ANKRD33B: variants seen among roughly 807,000 people sequenced by gnomAD.
The protein encoded by ANKRD33B is ankyrin repeat domain 33B.
In ANKRD33B, 6 loss-of-function variants were observed where a neutral mutation model predicts 21.5. The observed-to-expected ratio is 0.28, with a 90% CI of 0.15 to 0.55. The LOEUF is 0.55. ANKRD33B is among the 20% of genes least tolerant of loss of function. The pLI is 0.94. For missense variants in ANKRD33B, 698 were observed against 747.2 expected (o/e 0.93, Z 0.77); for synonymous variants, 347 against 342.4 (o/e 1.01, Z -0.15).
intron 3 of ANKRD33B, among the ~76,000 whole-genome samples, chr5:10,639,048 C>T (rs1305828539): frequency 1.1e-4 from 6 of 57,096 alleles, no homozygotes; most frequent in Non-Finnish European, 2.2e-4. Flanking sequence ...GCGGGTGACG[C>T]GGAGTTGCGC....
intron 3 of ANKRD33B, among the ~76,000 whole-genome samples, chr5:10,643,250 C>T (rs902124762): frequency 2.0e-5 from 3 of 152,074 alleles, no homozygotes; most frequent in Non-Finnish European, 2.9e-5. Context: ...CCAGATAATT[C>T]TTTGTTGTGG....
At chr5:10,583,576 A>G (rs909927386) in intron 1 of ANKRD33B, among the ~76,000 whole-genome samples, 2 of 152,190 alleles carry the variant, frequency 1.3e-5, no homozygotes, top group African/African-American at 4.8e-5. Context: ...GAATAGGGAT[A>G]GAGACTGAAG....
Position 10,595,649 on chromosome 5 carries a change from C to T in ANKRD33B, c.367-22684C>T, listed in dbSNP as rs150524795. ...TAACTGAAGGAGAGGGGTTCAGAATCCTCCAGTGGGGCCTGATGGGCAGAG... is the reference window on the plus strand; with the variant it reads ...TAACTGAAGGAGAGGGGTTCAGAATTCTCCAGTGGGGCCTGATGGGCAGAG... On this transcript the variant is annotated intron_variant, in intron 1 of 3. Transcript: ENST00000296657. 7.7e-3 allele frequency among the ~76,000 whole-genome samples: 1,177 copies of T among 152,302 alleles called. 16 individuals carry two copies. The highest frequency in any genetic ancestry group is 0.027 in the African/African-American group (1,128 of 41,560).
At chr5:10,642,247 T>C (rs1432863455) in intron 3 of ANKRD33B, among the ~76,000 whole-genome samples, 1 of 152,190 alleles carries the variant, frequency 6.6e-6, no homozygotes, top group African/African-American at 2.4e-5. Context: ...TGCACATCTC[T>C]TGGAACGATG....
intron 1 of ANKRD33B, among the ~76,000 whole-genome samples, chr5:10,571,235 T>C (rs1222555247): frequency 2.0e-5 from 3 of 152,200 alleles, no homozygotes; most frequent in African/African-American, 7.2e-5. Context: ...TGGATCTCGC[T>C]CTGTTGCCCA....
In ANKRD33B at chr5:10,653,694, C is replaced by G. The variant is rs1041536834; in HGVS notation, c.*3581C>G. The G allele has an allele frequency of 2.0e-5, 3 of 152,404 alleles. No homozygotes were observed. The highest frequency in any genetic ancestry group is 7.2e-5 in the African/African-American group (3 of 41,430). 9.4% of individuals were successfully genotyped at this position (152,404 alleles called of 1,614,324 possible). ...AGGCCCCTCGGTCTCAGGATGTGGACAGGGCTGGGAGGTGCAGGCTTCTTG... is the reference window on the plus strand; with the variant it reads ...AGGCCCCTCGGTCTCAGGATGTGGAGAGGGCTGGGAGGTGCAGGCTTCTTG... On this transcript the variant is annotated 3_prime_UTR_variant, in exon 4 of 4. Coordinates refer to ENST00000296657, the MANE Select transcript of ANKRD33B (RefSeq NM_001164440.2).
intron 1 of ANKRD33B, among the ~76,000 whole-genome samples, chr5:10,599,263 A>T (rs372898841): frequency 7.9e-5 from 12 of 152,230 alleles, no homozygotes; most frequent in African/African-American, 2.9e-4. Flanking sequence ...TCCATAGTTA[A>T]CAACTTTATT....
chr5:10,628,684 A>T (rs1261619415), intron 2 of ANKRD33B, among the ~76,000 whole-genome samples: 1 of 152,194 alleles, frequency 6.6e-6, no homozygotes, highest in Admixed American at 6.5e-5. Context: ...GAGTGGTAGG[A>T]ATGTTTCAGC....
intron 2 of ANKRD33B, among the ~76,000 whole-genome samples, chr5:10,620,551 T>C (rs1736398949): frequency 6.6e-6 from 1 of 152,200 alleles, no homozygotes; most frequent in South Asian, 2.1e-4. Flanking sequence ...ATTTCTTTTC[T>C]TACTGATCTG....
chr5:10,632,628 TC>T (rs897698111), intron 2 of ANKRD33B, among the ~76,000 whole-genome samples: 1 of 152,076 alleles, frequency 6.6e-6, no homozygotes, highest in African/African-American at 2.4e-5. Context: ...TCCTGAATGC[TC>T]CCGTGGCTTC....
intron 1 of ANKRD33B, among the ~76,000 whole-genome samples, chr5:10,567,944 ATGATCT>A (rs1257967009): frequency 6.6e-6 from 1 of 152,214 alleles, no homozygotes; most frequent in African/African-American, 2.4e-5. Context: ...CTAGGAGGAA[ATGATCT>A]CTAAAGGCGT....
At chr5:10,646,947 A>G (rs891473352) in intron 3 of ANKRD33B, among the ~76,000 whole-genome samples, 3 of 152,320 alleles carry the variant, frequency 2.0e-5, no homozygotes, top group South Asian at 2.1e-4. Context: ...GCACACGTTG[A>G]TCAGCCATCA....
At chr5:10,573,403 G>C (rs1364127238) in intron 1 of ANKRD33B, among the ~76,000 whole-genome samples, 1 of 151,278 alleles carries the variant, frequency 6.6e-6, no homozygotes. Flanking sequence ...CGGAGGCGGG[G>C]GTTGCAGTGA....
intron 1 of ANKRD33B, among the ~76,000 whole-genome samples, chr5:10,597,951 A>G (rs577834032): frequency 1.8e-4 from 27 of 152,144 alleles, no homozygotes; most frequent in Non-Finnish European, 3.8e-4. Flanking sequence ...GGACCTTGAC[A>G]TGTTTACCAG....
At chr5:10,615,796 A>G (rs1736270778) in intron 1 of ANKRD33B, among the ~76,000 whole-genome samples, 1 of 152,260 alleles carries the variant, frequency 6.6e-6, no homozygotes, top group Admixed American at 6.5e-5. Flanking sequence ...CTCCATCCAA[A>G]GAAGTTAAAA....
chr5:10,619,580 A>G lies in ANKRD33B; in HGVS notation c.496+1118A>G, dbSNP rs980359275. ...CTGGGCACCCTACTTTTCAATCAAGACGAATAGAGTGGGGGAACTCTTCAA... is the reference window on the plus strand; with the variant it reads ...CTGGGCACCCTACTTTTCAATCAAGGCGAATAGAGTGGGGGAACTCTTCAA... On this transcript the variant is annotated intron_variant, in intron 2 of 3. Transcript: ENST00000296657. The surrounding 1 kb of genome is among the most constrained non-coding windows in gnomAD (Gnocchi z 4.5). 6.6e-6 allele frequency among the ~76,000 whole-genome samples: 1 copy of G among 152,104 alleles called. No homozygotes were observed. The highest frequency in any genetic ancestry group is 2.4e-5 in the African/African-American group (1 of 41,400).
chr5:10,632,807 A>G (rs1736757513), intron 2 of ANKRD33B, among the ~76,000 whole-genome samples: 1 of 152,060 alleles, frequency 6.6e-6, no homozygotes, highest in Non-Finnish European at 1.5e-5. Context: ...ATTTATTTTG[A>G]GACAGTGTCT....
chr5:10,654,439 A>G lies in ANKRD33B; in HGVS notation c.*4326A>G, dbSNP rs1283553510. ...ATAAATATAGTTAGAGGAAAAGTTGAAGTCTATTTTACTACTTTTTAGTGT... is the reference window on the plus strand; with the variant it reads ...ATAAATATAGTTAGAGGAAAAGTTGGAGTCTATTTTACTACTTTTTAGTGT... On this transcript the variant is annotated 3_prime_UTR_variant, in exon 4 of 4. Coordinates refer to ENST00000296657, the MANE Select transcript of ANKRD33B (RefSeq NM_001164440.2). The G allele has an allele frequency of 6.6e-6, 1 of 152,352 alleles. No individual in the cohort carries two copies. The highest frequency in any genetic ancestry group is 1.5e-5 in the Non-Finnish European group (1 of 68,042). 9.4% of individuals were successfully genotyped at this position (152,352 alleles called of 1,614,324 possible). A position where few individuals can be genotyped will look rare whatever the true frequency, so the allele number is the denominator to read the frequency against.
rs537215908 is a variant in ANKRD33B, at chr5:10,593,668, T to A, written c.367-24665T>A. ...ACCTCTCCAGCCTCTCTCCAACCTC[T>A]TCTCCTCCCGGGCAGGGGGGCTAAC... On this transcript the variant is annotated intron_variant, in intron 1 of 3. Coordinates refer to ENST00000296657, the MANE Select transcript of ANKRD33B (RefSeq NM_001164440.2). Among the ~76,000 whole-genome samples, 872 of 151,930 alleles carry A rather than the reference T, an allele frequency of 5.7e-3. 6 individuals are homozygous for A. Among genetic ancestry groups the A allele is most frequent in the African/African-American group, 0.02 (826 of 41,410 alleles).
Sources: allele counts gnomAD v4.1 joint callset (sites outside exome capture counted in the v4.1 genomes callset), GRCh38; gene constraint gnomAD v4.1.1; non-coding constraint Gnocchi (gnomAD v3.1); transcripts MANE v1.5; gene names NCBI Gene and HGNC (gene_info 2026-07-23, HGNC 2026-07-21).